Variants in PTPN2 observed in about 807,000 individuals in gnomAD.
PTPN2 encodes the protein protein tyrosine phosphatase non-receptor type 2.
Under a neutral mutation model 57.3 loss-of-function variants are expected in PTPN2, and 19 were observed. The ratio of observed to expected loss-of-function variants is 0.33; its 90% confidence interval spans 0.23 to 0.49. The LOEUF is 0.49. Ranked by LOEUF, PTPN2 falls within the 20% of genes least tolerant of loss-of-function variation. PTPN2 has a pLI of 0.99. For synonymous variants in PTPN2, 153 were observed against 164.9 expected, an observed-to-expected ratio of 0.93 and a Z score of 0.55; for missense variants, 358 against 501.1, an observed-to-expected ratio of 0.71 and a Z score of 2.73.
chr18:12,802,184 A>G, intron 7 of PTPN2, 33 bp from the exon 8 acceptor site: 2 of 1,466,290 alleles, frequency 1.4e-6, no homozygotes, highest in Non-Finnish European at 1.8e-6. Context: ...AAACAAATGC[A>G]AACATTAAAA....
chr18:12,801,810 C>A (rs1461239094), intron 8 of PTPN2, 160 bp downstream of exon 8: 3 of 701,796 alleles, frequency 4.3e-6, no homozygotes, highest in Non-Finnish European at 7.0e-6. Context: ...CTCAAGTGAT[C>A]TTCCCTCCTT....
At chr18:12,800,007 T>A (rs1049559527) in intron 8 of PTPN2, among the ~76,000 whole-genome samples, 1 of 152,116 alleles carries the variant, frequency 6.6e-6, no homozygotes, top group African/African-American at 2.4e-5. Context: ...CTGTTGGGAC[T>A]CTCTGCTTTC....
At chr18:12,883,966 G>A (rs1231942361) in intron 1 of PTPN2, 107 bp downstream of exon 1, 171 of 983,658 alleles carry the variant, frequency 1.7e-4, no homozygotes, top group Non-Finnish European at 2.4e-4. Context: ...CGCCCCGAGC[G>A]AGAGGCTAGA....
intron 1 of PTPN2, among the ~76,000 whole-genome samples, chr18:12,868,708 C>T (rs1232696853): frequency 4.8e-5 from 7 of 145,296 alleles, no homozygotes; most frequent in Admixed American, 1.3e-4. Flanking sequence ...CTGAGGCGGG[C>T]GGATCACGAG....
intron 3 of PTPN2, among the ~76,000 whole-genome samples, chr18:12,832,798 C>T (rs2042715123): frequency 6.6e-6 from 1 of 152,082 alleles, no homozygotes; most frequent in Non-Finnish European, 1.5e-5. Flanking sequence ...AAATAATAAA[C>T]AGGAACACAG....
chr18:12,877,290 A>C (rs773210358), intron 1 of PTPN2, among the ~76,000 whole-genome samples: 6 of 152,222 alleles, frequency 3.9e-5, no homozygotes, highest in Non-Finnish European at 8.8e-5. Flanking sequence ...GTTACAAAAC[A>C]ATGTGGTTCA....
chr18:12,872,533 CTTT>C (rs1384246899), intron 1 of PTPN2, among the ~76,000 whole-genome samples: 1 of 152,200 alleles, frequency 6.6e-6, no homozygotes, highest in Non-Finnish European at 1.5e-5. Flanking sequence ...GAGCCAGTTT[CTTT>C]GTTTTGAGAC....
At chr18:12,843,839 T>C (rs1359681065) in intron 2 of PTPN2, 5 of 152,358 alleles carry the variant, frequency 3.3e-5, no homozygotes, top group African/African-American at 9.6e-5. Flanking sequence ...CAGGCACTCA[T>C]TTGTGTGTGC....
intron 1 of PTPN2, chr18:12,872,350 G>A (rs146197056): frequency 6.6e-6 from 1 of 152,312 alleles, no homozygotes; most frequent in African/African-American, 2.4e-5. Flanking sequence ...TTCAGTATCA[G>A]ATTTTCCTTA....
chr18:12,794,448 T>C lies in PTPN2; in HGVS notation c.1078A>G (p.Thr360Ala), dbSNP rs755807202. The part of the protein sequence containing the change: ...RKRIREDRKA[T>A]TAQKVQQMKQ... ...ATCTGCTGCACCTTCTGAGCTGTGGTGGCCTTTCTGTCCTCTCGAATACGT... is the reference window on the plus strand; with the variant it reads ...ATCTGCTGCACCTTCTGAGCTGTGGCGGCCTTTCTGTCCTCTCGAATACGT... The change falls in exon 9 of 9, where the codon ACC (threonine) becomes GCC (alanine). Residue 360 changes from threonine to alanine, a missense_variant. Thr to Ala is a moderately conservative substitution (Grantham distance 58). Transcript: ENST00000309660. 2.3e-5 allele frequency: 37 copies of C among 1,614,090 alleles called. No individual in the cohort carries two copies. The South Asian group carries it at 4.1e-4, about 18-fold the overall frequency.
chr18:12,817,451 T>C (rs2042116432), intron 5 of PTPN2, 86 bp from the exon 6 acceptor site: 13 of 1,048,000 alleles, frequency 1.2e-5, no homozygotes, highest in Non-Finnish European at 1.6e-5. Context: ...TTTTATATAA[T>C]TCTTTAAAGC....
chr18:12,832,180 G>A (rs960692067), intron 3 of PTPN2, among the ~76,000 whole-genome samples: 5 of 152,116 alleles, frequency 3.3e-5, no homozygotes, highest in Non-Finnish European at 7.4e-5. Context: ...GCAGTGTCAC[G>A]ATCTCAGCTC....
chr18:12,799,227 G>A (rs2041311779), intron 8 of PTPN2, among the ~76,000 whole-genome samples: 1 of 152,130 alleles, frequency 6.6e-6, no homozygotes, highest in Admixed American at 6.5e-5. Flanking sequence ...GACCAGCCTG[G>A]CCAACATGGT....
chr18:12,831,637 TCACTGGCCAGCCAACCAA>T (rs946389416), intron 3 of PTPN2, among the ~76,000 whole-genome samples: 8 of 152,158 alleles, frequency 5.3e-5, no homozygotes, highest in Non-Finnish European at 7.4e-5. Flanking sequence ...GTCTGTACCA[TCACTGGCCAGCCAACCAA>T]CTCAAGTCAA....
intron 7 of PTPN2, among the ~76,000 whole-genome samples, chr18:12,807,586 A>ATATATATATATATATATAT (rs1555660749): frequency 5.7e-5 from 2 of 35,194 alleles, no homozygotes; most frequent in African/African-American, 7.0e-5. Flanking sequence ...AAAAAAAAAA[A>ATATATATATATATATATAT]ATATATATAT....
intron 1 of PTPN2, among the ~76,000 whole-genome samples, chr18:12,872,002 C>T (rs546971268): frequency 6.6e-6 from 1 of 151,480 alleles, no homozygotes; most frequent in South Asian, 2.1e-4. Flanking sequence ...AAGCCGAGAT[C>T]GTGCCGTAGC....
intron 2 of PTPN2, among the ~76,000 whole-genome samples, chr18:12,838,982 TA>T (rs1362201456): frequency 3.3e-5 from 5 of 151,586 alleles, no homozygotes; most frequent in African/African-American, 9.7e-5. Context: ...ATTAAAATTA[TA>T]AAAACAAAAA....
intron 7 of PTPN2, among the ~76,000 whole-genome samples, chr18:12,803,510 C>T (rs1432810326): frequency 6.6e-6 from 1 of 152,130 alleles, no homozygotes; most frequent in African/African-American, 2.4e-5. Context: ...ACTCACTTCA[C>T]CTGTAAGGAC....
chr18:12,788,931 T>A (rs529411402), downstream of PTPN2, among the ~76,000 whole-genome samples: 9 of 152,224 alleles, frequency 5.9e-5, no homozygotes, highest in Admixed American at 4.6e-4. Flanking sequence ...TTCCTAGAAG[T>A]TCTTACTTAA....
Sources: allele counts gnomAD v4.1 joint callset (sites outside exome capture counted in the v4.1 genomes callset), GRCh38; gene constraint gnomAD v4.1.1; transcripts MANE v1.5; gene names NCBI Gene and HGNC (gene_info 2026-07-23, HGNC 2026-07-21).